The following GPCPD1 variants were observed in gnomAD, a reference collection of about 807,000 sequenced individuals.
GPCPD1 encodes glycerophosphocholine phosphodiesterase 1.
Under a neutral mutation model 89.2 loss-of-function variants are expected in GPCPD1, and 29 were observed. That is an observed-to-expected ratio of 0.33 (90% CI 0.24 to 0.44). The LOEUF is 0.44. Ranked by LOEUF, GPCPD1 falls within the 20% of genes least tolerant of loss-of-function variation. GPCPD1 has a pLI of 1.00. For missense variants in GPCPD1, 594 were observed against 808.9 expected, an observed-to-expected ratio of 0.73 and a Z score of 3.22; for synonymous variants, 258 against 266.3, an observed-to-expected ratio of 0.97 and a Z score of 0.30.
At chr20:5,549,939 T>A (rs1050409287) in intron 19 of GPCPD1, among the ~76,000 whole-genome samples, 1 of 151,982 alleles carries the variant, frequency 6.6e-6, no homozygotes, top group Admixed American at 6.6e-5. Flanking sequence ...ACACCAGTAA[T>A]CCCAGCACTT....
At chr20:5,580,334 G>A (rs1376569218) in intron 6 of GPCPD1, among the ~76,000 whole-genome samples, 22 of 151,288 alleles carry the variant, frequency 1.5e-4, no homozygotes, top group African/African-American at 5.1e-4. Context: ...GCAAACCAAG[G>A]GTGACAAAGG....
Position 5,593,440 on chromosome 20 carries a change from G to C in GPCPD1, c.147-29C>G, listed in dbSNP as rs755018167. 5 of 1,198,472 alleles carry C rather than the reference G, an allele frequency of 4.2e-6. No individual in the cohort carries two copies. The South Asian group carries it at 4.9e-5, about 12-fold the overall frequency. The allele number at this position is 1,198,472 out of a possible 1,614,324, so 74.2% of individuals were successfully genotyped here. ...TGAAGAAAGAAAATTAAAAGCAGCA[G>C]CATCAATATCAAACTACAGTGCATA... On this transcript the variant is annotated intron_variant, in intron 3 of 19. Coordinates refer to ENST00000379019, the MANE Select transcript of GPCPD1 (RefSeq NM_019593.5).
intron 19 of GPCPD1, chr20:5,549,520 A>G (rs1425299684): frequency 1.9e-6 from 2 of 1,076,672 alleles, no homozygotes; most frequent in Non-Finnish European, 2.8e-6. Flanking sequence ...TATTCTCATA[A>G]GAGACCAAGT....
chr20:5,549,518 T>C (rs1453670616), intron 19 of GPCPD1: 3 of 1,078,242 alleles, frequency 2.8e-6, no homozygotes, highest in Non-Finnish European at 2.8e-6. Context: ...AGTATTCTCA[T>C]AAGAGACCAA....
chr20:5,574,965 A>G lies in GPCPD1; in HGVS notation c.1001+448T>C, dbSNP rs904543866. On this transcript the variant is annotated intron_variant, in intron 10 of 19. Coordinates refer to ENST00000379019, the MANE Select transcript of GPCPD1 (RefSeq NM_019593.5). Reference sequence around the variant, plus strand: ...GGGAAGACAACTATTCCAGGCTACAATCTAATGTCTGTTGAGAAGACAGAG... The same window carrying G: ...GGGAAGACAACTATTCCAGGCTACAGTCTAATGTCTGTTGAGAAGACAGAG... Among the ~76,000 whole-genome samples, 4 of 152,232 alleles carry G rather than the reference A, an allele frequency of 2.6e-5. No homozygotes were observed. The East Asian group carries it at 7.7e-4, about 29-fold the overall frequency.
At chr20:5,601,631 A>G (rs941157689) in intron 2 of GPCPD1, among the ~76,000 whole-genome samples, 2 of 152,070 alleles carry the variant, frequency 1.3e-5, no homozygotes, top group Admixed American at 1.3e-4. Flanking sequence ...GGCCTCCTAA[A>G]GTGCTGGGAT....
At chr20:5,601,871 G>T (rs958997935) in intron 2 of GPCPD1, among the ~76,000 whole-genome samples, 2 of 151,858 alleles carry the variant, frequency 1.3e-5, no homozygotes, top group African/African-American at 4.8e-5. Context: ...TTCTCTTTCT[G>T]CTGATTCCAG....
At chr20:5,550,921 GC>G (rs1286904268) in intron 19 of GPCPD1, among the ~76,000 whole-genome samples, 3 of 152,194 alleles carry the variant, frequency 2.0e-5, no homozygotes, top group Admixed American at 6.5e-5. Flanking sequence ...TACTGGAGCA[GC>G]CCGGTGGAGA....
chr20:5,557,930 A>T lies in GPCPD1; in HGVS notation c.1829+15T>A. 1 of 1,427,294 alleles carries T rather than the reference A, an allele frequency of 7.0e-7. No individual in the cohort carries two copies. Among genetic ancestry groups the T allele is most frequent in the Non-Finnish European group, 9.7e-7 (1 of 1,034,574 alleles). The allele number at this position is 1,427,294 out of a possible 1,614,324, so 88.4% of individuals were successfully genotyped here. A position where few individuals can be genotyped will look rare whatever the true frequency, so the allele number is the denominator to read the frequency against. On this transcript the variant is annotated intron_variant, in intron 19 of 19. Transcript: ENST00000379019. ...CTTCTAAATTCCATGAAAATTTTTC[A>T]TGAAAAACAAATACCTATCATAAAT...
intron 8 of GPCPD1, 105 bp from the exon 9 acceptor site, chr20:5,576,083 T>TA: frequency 2.0e-6 from 1 of 505,102 alleles, no homozygotes; most frequent in Non-Finnish European, 3.5e-6. Flanking sequence ...ACATATCTCC[T>TA]ATATATGAAA....
At chr20:5,598,919 C>T (rs191485025) in intron 2 of GPCPD1, 98 bp from the exon 3 acceptor site, 2 of 761,374 alleles carry the variant, frequency 2.6e-6, no homozygotes, top group Non-Finnish European at 4.6e-6. Flanking sequence ...TATGCTGCCC[C>T]CTTTAGCAGA....
intron 3 of GPCPD1, among the ~76,000 whole-genome samples, chr20:5,597,785 A>G (rs1600797748): frequency 6.6e-6 from 1 of 152,226 alleles, no homozygotes. Flanking sequence ...ACTTAACTGC[A>G]GAAGAGTGGC....
intron 19 of GPCPD1, among the ~76,000 whole-genome samples, chr20:5,550,283 C>CAAAAAAAAAAAAAAAAGACAAAAAAGAAG (rs1985318954): frequency 1.3e-5 from 1 of 76,052 alleles, no homozygotes; most frequent in African/African-American, 5.9e-5. Context: ...TCAAATGAAG[C>CAAAAAAAAAAAAAAAAGACAAAAAAGAAG]AAAAAAAAAA....
chr20:5,551,527 C>T (rs1455278721), intron 19 of GPCPD1, among the ~76,000 whole-genome samples: 1 of 152,138 alleles, frequency 6.6e-6, no homozygotes, highest in Non-Finnish European at 1.5e-5. Flanking sequence ...GGAATATTAA[C>T]AAGACCACGA....
chr20:5,576,498 G>C (rs190278962), intron 8 of GPCPD1, among the ~76,000 whole-genome samples: 224 of 151,970 alleles, frequency 1.5e-3, no homozygotes, highest in Non-Finnish European at 4.7e-4. Flanking sequence ...GAATCTCTGG[G>C]GTAGAACTGA....
chr20:5,575,278 C>A, intron 10 of GPCPD1, 135 bp downstream of exon 10: 2 of 646,342 alleles, frequency 3.1e-6, no homozygotes, highest in Non-Finnish European at 5.2e-6. Context: ...TGGTCTCTAA[C>A]CCCAATTACC....
At position 5,573,374 on chromosome 20, in the gene GPCPD1, CTG is replaced by C. The variant is rs149340951; in HGVS notation, c.1056+539_1056+540del. Among the ~76,000 whole-genome samples the C allele has an allele frequency of 1.1e-3, 166 of 152,336 alleles. 1 individual carries two copies. The highest frequency in any genetic ancestry group is 3.8e-3 in the African/African-American group (157 of 41,582). On this transcript the variant is annotated intron_variant, in intron 11 of 19. Coordinates refer to ENST00000379019, the MANE Select transcript of GPCPD1 (RefSeq NM_019593.5). ...GTGCTGGGATTACAGGCATCAGCCA[CTG>C]TGCCCAGCCAGCATTCTTTTTTGAG... is the stretch of plus-strand genomic sequence containing the variant.
chr20:5,587,375 C>CTT (rs1390979331), intron 4 of GPCPD1, among the ~76,000 whole-genome samples: 1 of 145,292 alleles, frequency 6.9e-6, no homozygotes. Flanking sequence ...TACACATACT[C>CTT]TTTTTTTTTT....
At chr20:5,548,845 C>CA in intron 19 of GPCPD1, 1 of 884,678 alleles carries the variant, frequency 1.1e-6, no homozygotes, top group Non-Finnish European at 1.6e-6. Flanking sequence ...GGCGGACTGT[C>CA]AAACCAGAAA....
Sources: gnomAD v4.1 joint callset for allele counts (sites outside exome capture counted in the v4.1 genomes callset) on GRCh38, gnomAD v4.1.1 for gene constraint, MANE v1.5 for transcripts, NCBI Gene and HGNC (gene_info 2026-07-23, HGNC 2026-07-21) for gene names.